The following MEGF10 variants were observed in gnomAD, a reference collection of about 807,000 sequenced individuals.
MEGF10 encodes the protein multiple EGF like domains 10, also known as multiple epidermal growth factor-like domains protein 10.
Under a neutral mutation model 147.5 loss-of-function variants are expected in MEGF10, and 86 were observed. The observed-to-expected ratio is 0.58, with a 90% CI of 0.49 to 0.70. MEGF10 has a LOEUF of 0.70. Ranked by LOEUF, MEGF10 falls within the 30% of genes least tolerant of loss-of-function variation. The probability of loss-of-function intolerance (pLI) is 0.00; values close to 1 mark genes in which losing one functional copy is unlikely to be tolerated. For synonymous variants in MEGF10, 478 were observed against 525.5 expected (o/e 0.91, Z 1.24); for missense variants, 1,329 against 1,487.3 (o/e 0.89, Z 1.75).
chr5:127,315,399 T>A (rs1018792640), intron 1 of MEGF10, among the ~76,000 whole-genome samples: 1 of 152,208 alleles, frequency 6.6e-6, no homozygotes, highest in African/African-American at 2.4e-5. Context: ...TCCATTAATA[T>A]ATTTTAAAAT....
chr5:127,396,206 T>C (rs1479399655), intron 5 of MEGF10, among the ~76,000 whole-genome samples: 2 of 152,212 alleles, frequency 1.3e-5, no homozygotes, highest in African/African-American at 4.8e-5. Flanking sequence ...GCAGAACCCC[T>C]GAGCTCTTCC....
At chr5:127,239,450 A>T in the MEGF10 span, among the ~76,000 whole-genome samples, 6 of 144,214 alleles carry the variant, frequency 4.2e-5, no homozygotes, top group Non-Finnish European at 6.0e-5. Context: ...ATATATATAT[A>T]TTATATATAA....
At chr5:127,389,280 G>C (rs978464691) in intron 5 of MEGF10, among the ~76,000 whole-genome samples, 1 of 152,190 alleles carries the variant, frequency 6.6e-6, no homozygotes, top group African/African-American at 2.4e-5. Flanking sequence ...AAAAATAACA[G>C]ATGCTGGCGA....
intron 11 of MEGF10, among the ~76,000 whole-genome samples, chr5:127,419,633 GT>G (rs1234584354): frequency 6.6e-6 from 1 of 152,176 alleles, no homozygotes; most frequent in Non-Finnish European, 1.5e-5. Context: ...ACAGTTGCTG[GT>G]TAATGGGGTC....
intron 5 of MEGF10, among the ~76,000 whole-genome samples, chr5:127,395,727 G>A (rs1211493687): frequency 1.3e-5 from 2 of 151,728 alleles, no homozygotes; most frequent in Non-Finnish European, 2.9e-5. Context: ...TGTATTTTTA[G>A]TAGAGATGGG....
chr5:127,318,054 G>A (rs1354203143), intron 1 of MEGF10, among the ~76,000 whole-genome samples: 1 of 152,138 alleles, frequency 6.6e-6, no homozygotes, highest in Non-Finnish European at 1.5e-5. Context: ...CATTGGTTTT[G>A]AAACTTTGCT....
chr5:127,257,221 T>C, the MEGF10 span, among the ~76,000 whole-genome samples: 7 of 151,824 alleles, frequency 4.6e-5, no homozygotes, highest in East Asian at 1.9e-4. Flanking sequence ...TCTGTGGGAA[T>C]TGACTCTTCT....
intron 5 of MEGF10, among the ~76,000 whole-genome samples, chr5:127,372,412 C>T (rs564519792): frequency 6.6e-6 from 1 of 152,306 alleles, no homozygotes; most frequent in South Asian, 2.1e-4. Context: ...TCTTAAATTA[C>T]TATTAGTTTG....
At chr5:127,246,659 T>C in the MEGF10 span, among the ~76,000 whole-genome samples, 1 of 150,886 alleles carries the variant, frequency 6.6e-6, no homozygotes, top group African/African-American at 2.4e-5. Flanking sequence ...GAGTAGTTTG[T>C]AATGTGGTTG....
rs762097699 is a variant in MEGF10, at chr5:127,331,279, TC to T, written c.-18-11del. ...CAATGCATTTCTAATTGGGATTTTT[TC>T]TTTCTTGTAGGTTGTTCTTCAGAAA... On this transcript the variant is annotated splice_polypyrimidine_tract_variant and intron_variant, in intron 1 of 24. Coordinates refer to ENST00000503335, the MANE Select transcript of MEGF10 (RefSeq NM_001256545.2). The T allele has an allele frequency of 3.9e-5, 54 of 1,393,650 alleles. No homozygotes were observed. The African/African-American group carries it at 7.1e-4, about 18-fold the overall frequency. 86.3% of individuals were successfully genotyped at this position (1,393,650 alleles called of 1,614,324 possible).
rs1764178672 is a variant in MEGF10, at chr5:127,402,656, T to G, written c.891T>G (p.His297Gln). 3.0e-5 allele frequency: 49 copies of G among 1,614,078 alleles called. No homozygotes were observed. The highest frequency in any genetic ancestry group is 4.2e-5 in the Non-Finnish European group (49 of 1,179,980). ...GTCDAATGQCHCSPGYTGERC... is the reference protein window; with the variant it reads ...GTCDAATGQCQCSPGYTGERC... ...GTGATGCTGCCACAGGCCAATGTCA[T>G]TGCAGTCCAGGATACACAGGGGAAC... Residue 297 changes from histidine (H) to glutamine (Q), a missense_variant, in exon 8 of 25, where the codon CAT (histidine) becomes CAG (glutamine). By Grantham distance (24) the His-to-Gln change is conservative. This residue lies in a region of MEGF10 where 980 missense variants were observed against 1,085.9 expected (regional missense o/e 0.90). Coordinates refer to ENST00000503335, the MANE Select transcript of MEGF10 (RefSeq NM_001256545.2).
At chr5:127,350,285 C>T (rs1762040868) in intron 4 of MEGF10, among the ~76,000 whole-genome samples, 1 of 152,092 alleles carries the variant, frequency 6.6e-6, no homozygotes, top group African/African-American at 2.4e-5. Context: ...TTCAGCCTGC[C>T]CAAGGCTCCA....
At position 127,458,966 on chromosome 5, in the gene MEGF10, A is replaced by G. The variant is rs1368775123; in HGVS notation, c.*1648A>G. The G allele has an allele frequency of 6.6e-6, 1 of 152,206 alleles. No homozygotes were observed. Among genetic ancestry groups the G allele is most frequent in the Non-Finnish European group, 1.5e-5 (1 of 68,040 alleles). The allele number at this position is 152,206 out of a possible 1,614,324, so 9.4% of individuals were successfully genotyped here. Reference sequence around the variant, plus strand: ...CTTGCAATATGAGAATGCTGACACAATGCAGGAAAGCCAGTTTCCCTTTTG... The same window carrying G: ...CTTGCAATATGAGAATGCTGACACAGTGCAGGAAAGCCAGTTTCCCTTTTG... On this transcript the variant is annotated 3_prime_UTR_variant, in exon 25 of 25. Coordinates refer to ENST00000503335, the MANE Select transcript of MEGF10 (RefSeq NM_001256545.2).
At chr5:127,395,662 A>C (rs1409224081) in intron 5 of MEGF10, among the ~76,000 whole-genome samples, 1 of 147,566 alleles carries the variant, frequency 6.8e-6, no homozygotes, top group Non-Finnish European at 1.5e-5. Flanking sequence ...CTCCTGCCTC[A>C]GCCTCCCGAG....
chr5:127,347,346 G>T (rs1761927591), intron 4 of MEGF10, among the ~76,000 whole-genome samples: 1 of 151,820 alleles, frequency 6.6e-6, no homozygotes, highest in African/African-American at 2.4e-5. Context: ...CTCAGTTCTT[G>T]TACCTAAATA....
chr5:127,331,312 G>C lies in MEGF10; in HGVS notation c.4G>C (p.Val2Leu). Residue 2 changes from valine to leucine, a missense_variant, in exon 2 of 25, where the codon GTT (valine) becomes CTT (leucine). By Grantham distance (32) the Val-to-Leu change is conservative (BLOSUM62 1). Around this residue, in one of 3 missense-constraint regions of MEGF10, gnomAD observed 980 missense variants for 1,085.9 expected, o/e 0.90. Transcript: ENST00000503335. ...GTAGGTTGTTCTTCAGAAAAAAATGGTTATTTCTTTGAACTCATGCCTGAG... is the reference window on the plus strand; with the variant it reads ...GTAGGTTGTTCTTCAGAAAAAAATGCTTATTTCTTTGAACTCATGCCTGAG... MVISLNSCLSFI... is the reference protein window; with the variant it reads MLISLNSCLSFI... The C allele has an allele frequency of 6.3e-7, 1 of 1,595,644 alleles. No individual in the cohort carries two copies. The highest frequency in any genetic ancestry group is 8.6e-7 in the Non-Finnish European group (1 of 1,165,664).
chr5:127,351,118 G>A (rs1167579604), intron 4 of MEGF10, among the ~76,000 whole-genome samples: 2 of 152,012 alleles, frequency 1.3e-5, no homozygotes, highest in African/African-American at 4.8e-5. Context: ...TAATTTAATT[G>A]TACTTTAAAA....
chr5:127,394,915 T>A lies in MEGF10; in HGVS notation c.413-1617T>A, dbSNP rs890116921. ...TACTGATTAAAAACAGAATTATTCA[T>A]TTAAACCTTTTGATATTATGAAATC... On this transcript the variant is annotated intron_variant, in intron 5 of 24. Transcript: ENST00000503335. 2.0e-5 allele frequency among the ~76,000 whole-genome samples: 3 copies of A among 152,250 alleles called. No homozygotes were observed. In the East Asian group the frequency reaches 5.8e-4, roughly 29 times the overall value.
At chr5:127,418,867 G>A (rs1764876082) in intron 10 of MEGF10, among the ~76,000 whole-genome samples, 1 of 152,108 alleles carries the variant, frequency 6.6e-6, no homozygotes, top group Non-Finnish European at 1.5e-5. Flanking sequence ...CTGCTATGAA[G>A]GCAAAGCTAA....
Sources: gnomAD v4.1 joint callset for allele counts (sites outside exome capture counted in the v4.1 genomes callset) on GRCh38, gnomAD v4.1.1 for gene constraint, gnomAD v4.1.1 regional missense constraint, MANE v1.5 for transcripts, NCBI Gene and HGNC (gene_info 2026-07-23, HGNC 2026-07-21) for gene names.